ADAM22: variants seen among roughly 807,000 people sequenced by gnomAD.
ADAM22 encodes disintegrin and metalloproteinase domain-containing protein 22.
In ADAM22, 65 loss-of-function variants were observed where a neutral mutation model predicts 144.6. The ratio of observed to expected loss-of-function variants is 0.45; its 90% CI spans 0.37 to 0.55. The LOEUF (loss-of-function observed/expected upper bound fraction) is 0.55. Ranked by LOEUF, ADAM22 falls within the 20% of genes least tolerant of loss-of-function variation. ADAM22 has a pLI of 0.00. For synonymous variants in ADAM22, 391 were observed against 412.6 expected (o/e 0.95, Z 0.63); for missense variants, 974 against 1,184.9 (o/e 0.82, Z 2.61).
At chr7:88,009,830 T>C (rs1423385830) in intron 3 of ADAM22, among the ~76,000 whole-genome samples, 3 of 152,188 alleles carry the variant, frequency 2.0e-5, no homozygotes, top group Non-Finnish European at 2.9e-5. Context: ...GCCCTGCACC[T>C]TGTTTTGTTG....
chr7:88,043,176 AT>A (rs1803587949), intron 3 of ADAM22, among the ~76,000 whole-genome samples: 1 of 151,974 alleles, frequency 6.6e-6, no homozygotes, highest in African/African-American at 2.4e-5. Context: ...GATTCTGTTT[AT>A]TATTTTATTA....
At chr7:88,105,675 T>C (rs1386554831) in intron 4 of ADAM22, among the ~76,000 whole-genome samples, 1 of 152,182 alleles carries the variant, frequency 6.6e-6, no homozygotes, top group East Asian at 1.9e-4. Context: ...AGGTTCAACA[T>C]TGGGGATAGG....
chr7:88,117,895 A>G (rs1002226148), intron 7 of ADAM22, among the ~76,000 whole-genome samples: 2 of 151,998 alleles, frequency 1.3e-5, no homozygotes, highest in African/African-American at 2.4e-5. Context: ...GGGTTTCGCC[A>G]TATTGGGTAG....
At chr7:88,074,888 C>T (rs934729693) in intron 3 of ADAM22, among the ~76,000 whole-genome samples, 5 of 152,078 alleles carry the variant, frequency 3.3e-5, no homozygotes, top group Admixed American at 3.3e-4. Flanking sequence ...TTAGTTGGCT[C>T]AATGTCTATT....
intron 3 of ADAM22, among the ~76,000 whole-genome samples, chr7:87,987,827 A>G (rs1162462942): frequency 1.3e-5 from 2 of 152,268 alleles, no homozygotes; most frequent in South Asian, 2.1e-4. Context: ...CTGTATATCA[A>G]TCTGTTACTT....
intron 2 of ADAM22, among the ~76,000 whole-genome samples, chr7:87,974,340 A>G (rs71570594): frequency 0.075 from 11,369 of 151,468 alleles, 701 homozygotes; most frequent in Non-Finnish European, 0.11. Context: ...AAAGAAAAGA[A>G]GCACCATATT....
chr7:88,153,393 T>A, intron 21 of ADAM22, 67 bp downstream of exon 21: 1 of 1,337,872 alleles, frequency 7.5e-7, no homozygotes. Context: ...TTTGAGTGAC[T>A]AGGAAGTTTC....
At chr7:87,999,777 C>T (rs1792093608) in intron 3 of ADAM22, among the ~76,000 whole-genome samples, 1 of 152,044 alleles carries the variant, frequency 6.6e-6, no homozygotes, top group African/African-American at 2.4e-5. Context: ...AGATTAGATT[C>T]TCAATTGAAT....
chr7:87,972,041 G>T (rs4728718), intron 2 of ADAM22, among the ~76,000 whole-genome samples: 1 of 151,812 alleles, frequency 6.6e-6, no homozygotes, highest in Non-Finnish European at 1.5e-5. Flanking sequence ...GATGCCCTCT[G>T]TCACCACTCC....
chr7:88,064,148 T>C (rs1810591208), intron 3 of ADAM22, among the ~76,000 whole-genome samples: 1 of 152,316 alleles, frequency 6.6e-6, no homozygotes, highest in East Asian at 1.9e-4. Flanking sequence ...ATATTGGAAT[T>C]AATTTATTAC....
chr7:88,114,253 AAG>A (rs1168301940), intron 5 of ADAM22, among the ~76,000 whole-genome samples: 3 of 152,184 alleles, frequency 2.0e-5, no homozygotes, highest in Admixed American at 1.3e-4. Flanking sequence ...AGAGTCCTGA[AAG>A]AGCTGCGTTT....
At chr7:88,170,511 T>C (rs1844057510) in intron 25 of ADAM22, among the ~76,000 whole-genome samples, 1 of 151,534 alleles carries the variant, frequency 6.6e-6, no homozygotes, top group African/African-American at 2.4e-5. Context: ...GGAAATCAGA[T>C]TGAAGGAATA....
intron 8 of ADAM22, 141 bp downstream of exon 8, chr7:88,125,800 A>T: frequency 1.7e-6 from 1 of 593,126 alleles, no homozygotes; most frequent in Non-Finnish European, 2.8e-6. Flanking sequence ...AGGGTGATGG[A>T]TCTGAAGAAG....
At chr7:88,027,700 T>C (rs1037439048) in intron 3 of ADAM22, among the ~76,000 whole-genome samples, 42 of 152,220 alleles carry the variant, frequency 2.8e-4, no homozygotes, top group Admixed American at 2.7e-3. Context: ...TTATTTCTGC[T>C]CTGATCTTTA....
chr7:88,149,067 A>G lies in ADAM22; in HGVS notation c.1566+10A>G. 1 of 1,605,192 alleles carries G rather than the reference A, an allele frequency of 6.2e-7. No homozygotes were observed. The highest frequency in any genetic ancestry group is 8.5e-7 in the Non-Finnish European group (1 of 1,172,752). ...AGGAAATTCAAGCCAGGTAATTTACAAAATAACTGCTCTAAAACTTATGGG... is the reference window on the plus strand; with the variant it reads ...AGGAAATTCAAGCCAGGTAATTTACGAAATAACTGCTCTAAAACTTATGGG... On this transcript the variant is annotated intron_variant, in intron 18 of 31. Coordinates refer to ENST00000413139, the MANE Select transcript of ADAM22 (RefSeq NM_001324418.2).
intron 3 of ADAM22, among the ~76,000 whole-genome samples, chr7:88,001,724 G>A (rs1333749652): frequency 6.6e-6 from 1 of 151,882 alleles, no homozygotes; most frequent in Non-Finnish European, 1.5e-5. Context: ...TTTTAGGATA[G>A]TGGTTATTTC....
At chr7:87,962,510 T>C (rs1848208732) in intron 2 of ADAM22, among the ~76,000 whole-genome samples, 1 of 152,214 alleles carries the variant, frequency 6.6e-6, no homozygotes, top group Non-Finnish European at 1.5e-5. Context: ...GCAAGAACAA[T>C]TCTGATTCCT....
intron 4 of ADAM22, among the ~76,000 whole-genome samples, chr7:88,080,451 G>T (rs928418040): frequency 2.0e-4 from 30 of 152,052 alleles, no homozygotes; most frequent in African/African-American, 6.8e-4. Flanking sequence ...AAAAGCAAGA[G>T]TAAACACATT....
rs1425597731 is a variant in ADAM22 at position 88,201,243 on chromosome 7, T to A, written c.*4752T>A. 1 of 152,164 alleles carries A rather than the reference T, an allele frequency of 6.6e-6. No homozygotes were observed. Among genetic ancestry groups the A allele is most frequent in the Non-Finnish European group, 1.5e-5 (1 of 68,010 alleles). The allele number at this position is 152,164 out of a possible 1,614,324, so 9.4% of individuals were successfully genotyped here. A position where few individuals can be genotyped will look rare whatever the true frequency, so the allele number is the denominator to read the frequency against. ...TTAGTACTTTTGTCCTTTATATCCC[T>A]AGGATGCTCTAGGGAGTAGAGGTGG... On this transcript the variant is annotated 3_prime_UTR_variant, in exon 32 of 32. Coordinates refer to ENST00000413139, the MANE Select transcript of ADAM22 (RefSeq NM_001324418.2).
Sources: gnomAD v4.1 joint callset for allele counts (sites outside exome capture counted in the v4.1 genomes callset) on GRCh38, gnomAD v4.1.1 for gene constraint, MANE v1.5 for transcripts, NCBI Gene and HGNC (gene_info 2026-07-23, HGNC 2026-07-21) for gene names.